The following POLK variants were observed in gnomAD, a reference collection of about 807,000 sequenced individuals.
The protein encoded by POLK is polymerase (DNA directed) kappa.
A neutral mutation model predicts 94.0 loss-of-function variants in POLK; 76 were observed. The ratio of observed to expected loss-of-function variants is 0.81; its 90% CI spans 0.67 to 0.98. The LOEUF (loss-of-function observed/expected upper bound fraction) is 0.98. POLK is among the 50% of genes least tolerant of loss of function. The pLI, the probability that POLK is intolerant of heterozygous loss-of-function variation, is 0.00. For synonymous variants in POLK, 349 were observed against 325.4 expected, an observed-to-expected ratio of 1.07 and a Z score of -0.78; for missense variants, 954 against 1,010.1, an observed-to-expected ratio of 0.94 and a Z score of 0.75.
upstream of POLK, chr5:75,511,728 G>C (rs753714628): frequency 6.5e-7 from 1 of 1,547,356 alleles, no homozygotes; most frequent in Non-Finnish European, 8.7e-7. Context: ...GCGACACGCC[G>C]AGCCTTCGGG....
At chr5:75,581,155 T>C (rs571990363) in intron 6 of POLK, 54 bp from the exon 7 acceptor site, 3 of 1,243,680 alleles carry the variant, frequency 2.4e-6, no homozygotes, top group Admixed American at 2.0e-5. Context: ...ACCTAACTTA[T>C]GAAGTATATA....
intron 1 of POLK, among the ~76,000 whole-genome samples, chr5:75,544,344 CT>C (rs1769901651): frequency 1.3e-5 from 2 of 152,072 alleles, no homozygotes; most frequent in Non-Finnish European, 2.9e-5. Context: ...CAACCCACCC[CT>C]GTCTCTAAAA....
chr5:75,565,455 A>G (rs1771218877), intron 3 of POLK, among the ~76,000 whole-genome samples: 1 of 152,178 alleles, frequency 6.6e-6, no homozygotes, highest in Non-Finnish European at 1.5e-5. Flanking sequence ...TTGGAGGAAC[A>G]GAGGTGTTCT....
At chr5:75,524,124 G>T (rs1436009986) in intron 1 of POLK, among the ~76,000 whole-genome samples, 1 of 149,676 alleles carries the variant, frequency 6.7e-6, no homozygotes, top group African/African-American at 2.5e-5. Context: ...GTGAGACTCC[G>T]TCTCAAAAAA....
At chr5:75,523,011 T>G (rs1296213135) in intron 1 of POLK, among the ~76,000 whole-genome samples, 2 of 152,212 alleles carry the variant, frequency 1.3e-5, no homozygotes, top group African/African-American at 4.8e-5. Context: ...TTCTTCAATT[T>G]TATTTTACAA....
At chr5:75,554,270 G>A (rs2112670946) in intron 3 of POLK, among the ~76,000 whole-genome samples, 1 of 152,148 alleles carries the variant, frequency 6.6e-6, no homozygotes, top group Non-Finnish European at 1.5e-5. Flanking sequence ...GCAGCCTAAA[G>A]CAATGTTTTT....
In POLK at chr5:75,590,197, T is replaced by A. The variant is rs570505297; in HGVS notation, c.1260-147T>A. Reference sequence around the variant, plus strand: ...TTATATAGATCTTAGATGTTTTTACTTAATTAAATTTTAGTTCATCTGAAA... The same window carrying A: ...TTATATAGATCTTAGATGTTTTTACATAATTAAATTTTAGTTCATCTGAAA... On this transcript the variant is annotated intron_variant, in intron 10 of 14. Transcript: ENST00000241436. The A allele has an allele frequency of 1.9e-4, 86 of 446,730 alleles. No homozygotes were observed. The East Asian group carries it at 2.7e-3, about 14-fold the overall frequency. The allele number at this position is 446,730 out of a possible 1,614,324, so 27.7% of individuals were successfully genotyped here.
chr5:75,539,790 C>T (rs959807479), intron 1 of POLK, among the ~76,000 whole-genome samples: 2 of 152,166 alleles, frequency 1.3e-5, no homozygotes, highest in African/African-American at 4.8e-5. Flanking sequence ...TTTGGAGAGT[C>T]AAATAAATGA....
intron 1 of POLK, among the ~76,000 whole-genome samples, chr5:75,534,348 C>A (rs1229635914): frequency 1.3e-5 from 2 of 151,390 alleles, no homozygotes; most frequent in Admixed American, 6.6e-5. Context: ...CAGGGATAGA[C>A]TGACTTGGAT....
Position 75,581,461 on chromosome 5 carries a change from G to A in POLK, c.934+13G>A, listed in dbSNP as rs5744668. On this transcript the variant is annotated intron_variant, in intron 7 of 14. Transcript: ENST00000241436. ...ACAGCCAGTGCAGGTATTTAAAAGA[G>A]TATTGATGGCCACTGTAGTTATAAT... The A allele has an allele frequency of 3.0e-3, 4,844 of 1,608,160 alleles. 134 individuals carry two copies. In the African/African-American group the frequency reaches 0.057, roughly 19 times the overall value.
intron 1 of POLK, among the ~76,000 whole-genome samples, chr5:75,521,493 A>AT (rs748809561): frequency 2.0e-5 from 3 of 151,792 alleles, no homozygotes; most frequent in African/African-American, 7.3e-5. Flanking sequence ...TTCTAGATTG[A>AT]TTTTTTGTGT....
chr5:75,583,613 T>C (rs1421665767), intron 8 of POLK, among the ~76,000 whole-genome samples, 196 bp downstream of exon 8: 1 of 152,202 alleles, frequency 6.6e-6, no homozygotes, highest in Non-Finnish European at 1.5e-5. Context: ...GCTTATTTGC[T>C]ATAAACTTTT....
At chr5:75,559,505 G>GTTTTTTTTTTTTTTTTTT (rs1561371144) in intron 3 of POLK, among the ~76,000 whole-genome samples, 4 of 70,110 alleles carry the variant, frequency 5.7e-5, no homozygotes, top group Non-Finnish European at 6.6e-5. Flanking sequence ...TTTGGGGTTT[G>GTTTTTTTTTTTTTTTTTT]TTTTTTTGTT....
At chr5:75,515,486 A>G (rs1768280173) in intron 1 of POLK, among the ~76,000 whole-genome samples, 1 of 152,168 alleles carries the variant, frequency 6.6e-6, no homozygotes, top group Non-Finnish European at 1.5e-5. Flanking sequence ...TCCATTGTGT[A>G]TATAGACCAC....
intron 1 of POLK, among the ~76,000 whole-genome samples, chr5:75,546,348 A>G (rs1319628199): frequency 1.3e-5 from 2 of 152,120 alleles, no homozygotes; most frequent in Non-Finnish European, 2.9e-5. Context: ...CTTCATGTTG[A>G]ATAAACTAAG....
At chr5:75,512,069 TG>T in intron 1 of POLK, 155 bp downstream of exon 1, 2 of 350,708 alleles carry the variant, frequency 5.7e-6, no homozygotes, top group Non-Finnish European at 1.0e-5. Context: ...GGCCCAGACG[TG>T]AGAGAGCTTT....
intron 3 of POLK, among the ~76,000 whole-genome samples, chr5:75,553,148 C>T (rs369606386): frequency 8.0e-4 from 121 of 152,168 alleles, no homozygotes; most frequent in African/African-American, 2.8e-3. Context: ...TTTGCCTTCT[C>T]CAGGATCTTT....
chr5:75,585,246 T>A (rs1454175402), intron 9 of POLK, among the ~76,000 whole-genome samples: 1 of 152,230 alleles, frequency 6.6e-6, no homozygotes, highest in African/African-American at 2.4e-5. Flanking sequence ...GAAAGAAAGA[T>A]GGCCGTATTC....
Position 75,593,866 on chromosome 5 carries a change from T to A in POLK, c.1357-12T>A. The A allele has an allele frequency of 1.4e-6, 2 of 1,413,416 alleles. No individual in the cohort carries two copies. The highest frequency in any genetic ancestry group is 2.0e-6 in the Non-Finnish European group (2 of 1,013,366). The allele number at this position is 1,413,416 out of a possible 1,614,324, so 87.6% of individuals were successfully genotyped here. On this transcript the variant is annotated splice_polypyrimidine_tract_variant and intron_variant, in intron 11 of 14. Transcript: ENST00000241436. ...TCATAAATAAATAAATAACATATTG[T>A]ATATGTTATAGGGTAGAACTGTTAC...
Sources: allele counts gnomAD v4.1 joint callset (sites outside exome capture counted in the v4.1 genomes callset), GRCh38; gene constraint gnomAD v4.1.1; transcripts MANE v1.5; gene names NCBI Gene and HGNC (gene_info 2026-07-23, HGNC 2026-07-21).